Variants in ABHD3 observed in about 807,000 individuals in gnomAD.
ABHD3 encodes phospholipase ABHD3.
Under a neutral mutation model 48.8 loss-of-function variants are expected in ABHD3, and 46 were observed. The observed-to-expected ratio is 0.94, with a 90% CI of 0.74 to 1.20. The LOEUF is 1.20. Among genes scored for constraint, ABHD3 ranks in the 50% most tolerant of loss-of-function variants. The pLI, the probability that ABHD3 is intolerant of heterozygous loss-of-function variation, is 0.00. For synonymous variants in ABHD3, 192 were observed against 183.7 expected (o/e 1.04, Z -0.36); for missense variants, 490 against 497.8 (o/e 0.98, Z 0.15).
rs970937517 is a variant in ABHD3, at chr18:21,690,295, T to TA, written c.510-6331dup. Among the ~76,000 whole-genome samples, 1,348 of 147,662 alleles carry TA rather than the reference T, an allele frequency of 9.1e-3. 59 individuals carry two copies. Among genetic ancestry groups the TA allele is most frequent in the Admixed American group, 0.078 (1,155 of 14,808 alleles). On this transcript the variant is annotated intron_variant, in intron 3 of 8. Transcript: ENST00000289119. ...AACCTCAGTGATTTGTGAAACAATATAAAAAAAAAACAACATACATGTAAT... is the reference window on the plus strand; with the variant it reads ...AACCTCAGTGATTTGTGAAACAATATAAAAAAAAAAACAACATACATGTAAT...
chr18:21,689,385 C>A (rs1357763727), intron 3 of ABHD3, among the ~76,000 whole-genome samples: 2 of 151,670 alleles, frequency 1.3e-5, no homozygotes, highest in African/African-American at 4.8e-5. Context: ...ACTGTCTCTA[C>A]TAAAAATACA....
chr18:21,690,121 TTAAA>T (rs1397024030), intron 3 of ABHD3, among the ~76,000 whole-genome samples: 1 of 146,272 alleles, frequency 6.8e-6, no homozygotes, highest in Non-Finnish European at 1.5e-5. Flanking sequence ...TGTAAAGAAT[TTAAA>T]AAAAAAAAAG....
intron 4 of ABHD3, among the ~76,000 whole-genome samples, chr18:21,672,595 G>A (rs1007125513): frequency 6.6e-6 from 1 of 152,104 alleles, no homozygotes; most frequent in African/African-American, 2.4e-5. Flanking sequence ...GTGGATGTGG[G>A]CCTCCCCAAG....
intron 6 of ABHD3, 56 bp downstream of exon 6, chr18:21,659,114 C>A (rs2039423473): frequency 1.9e-6 from 3 of 1,544,228 alleles, no homozygotes; most frequent in Admixed American, 1.9e-5. Flanking sequence ...GCTGGGATTA[C>A]AGGCGTGAGC....
intron 8 of ABHD3, among the ~76,000 whole-genome samples, chr18:21,653,082 A>G (rs2039264363): frequency 8.8e-6 from 1 of 114,090 alleles, no homozygotes; most frequent in Non-Finnish European, 1.8e-5. Context: ...AAAAAAAAAG[A>G]GCTGGGTGTG....
At chr18:21,683,873 AATG>A in intron 4 of ABHD3, 44 bp downstream of exon 4, 2 of 1,502,750 alleles carry the variant, frequency 1.3e-6, no homozygotes, top group East Asian at 4.7e-5. Context: ...TAAAACTAGA[AATG>A]ATTCTTTAAA....
At chr18:21,698,375 C>CG (rs891504423) in intron 3 of ABHD3, among the ~76,000 whole-genome samples, 208 of 151,448 alleles carry the variant, frequency 1.4e-3, no homozygotes, top group African/African-American at 5.0e-3. Context: ...TTAGTAGAGA[C>CG]GGGGTTTCAC....
At chr18:21,684,009 C>G in intron 3 of ABHD3, 44 bp from the exon 4 acceptor site, 2 of 1,535,068 alleles carry the variant, frequency 1.3e-6, no homozygotes, top group Non-Finnish European at 1.8e-6. Context: ...ACACATGATT[C>G]TTGCTCATGA....
intron 1 of ABHD3, among the ~76,000 whole-genome samples, chr18:21,704,269 G>A (rs910670412): frequency 6.6e-6 from 1 of 152,212 alleles, no homozygotes; most frequent in Non-Finnish European, 1.5e-5. Flanking sequence ...CCGCAGCGCA[G>A]AAGTCAGCCG....
In ABHD3 at chr18:21,703,396, A is replaced by ACCTGCAGCTGGGGTATTTT. The variant is rs1275576072; in HGVS notation, c.326+169_326+187dup. On this transcript the variant is annotated intron_variant, in intron 2 of 8. Coordinates refer to ENST00000289119, the MANE Select transcript of ABHD3 (RefSeq NM_138340.5). ...TTAGGGCGGGGACCAGGAGGCAAAT[A>ACCTGCAGCTGGGGTATTTT]CCTGCAGCTGGGGTATTTTCCTGCA... is the stretch of plus-strand genomic sequence containing the variant. 3.7e-4 allele frequency among the ~76,000 whole-genome samples: 57 copies of ACCTGCAGCTGGGGTATTTT among 152,196 alleles called. 1 individual carries two copies. In the Middle Eastern group the frequency reaches 0.014, roughly 36 times the overall value.
In ABHD3 at chr18:21,670,841, C is replaced by A. The variant is rs149529371; in HGVS notation, c.556-6611G>T. On this transcript the variant is annotated intron_variant, in intron 4 of 8. Transcript: ENST00000289119. The stretch of plus-strand genomic sequence containing the variant: ...ACCAGTCTGAACAACATGGTGAAAC[C>A]CCCTATCTACCAAAAAATACAAGTT... Among the ~76,000 whole-genome samples the A allele has an allele frequency of 9.2e-5, 14 of 152,192 alleles. No individual in the cohort carries two copies. The East Asian group carries it at 2.5e-3, about 27-fold the overall frequency.
rs376966971 is a variant in ABHD3 at position 21,652,592 on chromosome 18, T to A, written c.1058-829A>T. On this transcript the variant is annotated intron_variant, in intron 8 of 8. Coordinates refer to ENST00000289119, the MANE Select transcript of ABHD3 (RefSeq NM_138340.5). ...GAGATCGAGACCATCCTGGCCAACA[T>A]GGTGAAACCACGTCTCTACTAAAAA... is the stretch of plus-strand genomic sequence containing the variant. 1.5e-4 allele frequency among the ~76,000 whole-genome samples: 22 copies of A among 151,650 alleles called. No homozygotes were observed. The East Asian group carries it at 2.3e-3, about 16-fold the overall frequency.
intron 3 of ABHD3, among the ~76,000 whole-genome samples, chr18:21,693,796 G>T (rs1359662015): frequency 2.6e-5 from 4 of 152,158 alleles, no homozygotes; most frequent in Admixed American, 6.5e-5. Context: ...ACAACAAAAT[G>T]AGTTACTGAG....
At chr18:21,653,855 T>TG (rs1178525847) in intron 8 of ABHD3, among the ~76,000 whole-genome samples, 23 of 151,898 alleles carry the variant, frequency 1.5e-4, no homozygotes, top group African/African-American at 5.3e-4. Context: ...TTTTTTTTTT[T>TG]TTTGAGATGG....
At chr18:21,673,237 A>G (rs537345560) in intron 4 of ABHD3, among the ~76,000 whole-genome samples, 22 of 152,336 alleles carry the variant, frequency 1.4e-4, no homozygotes, top group African/African-American at 5.3e-4. Context: ...AATAAATTAC[A>G]GATACCTGGA....
rs567681325 is a variant in ABHD3 at position 21,704,765 on chromosome 18, C to T, written c.-100G>A. On this transcript the variant is annotated 5_prime_UTR_variant, in exon 1 of 9. Transcript: ENST00000289119. ...CGGACGCGGCGCCGCTGCCTACTCCCGACCACAGTGTCTCCTGCCTGGCGG... is the reference window on the plus strand; with the variant it reads ...CGGACGCGGCGCCGCTGCCTACTCCTGACCACAGTGTCTCCTGCCTGGCGG... 9.2e-7 allele frequency: 1 copy of T among 1,086,150 alleles called. No individual in the cohort carries two copies. The highest frequency in any genetic ancestry group is 2.3e-5 in the African/African-American group (1 of 43,258). 67.3% of individuals were successfully genotyped at this position (1,086,150 alleles called of 1,614,324 possible). A position where few individuals can be genotyped will look rare whatever the true frequency, so the allele number is the denominator to read the frequency against.
intron 4 of ABHD3, among the ~76,000 whole-genome samples, chr18:21,666,414 T>C (rs185625761): frequency 5.3e-5 from 8 of 151,914 alleles, no homozygotes; most frequent in Non-Finnish European, 8.8e-5. Flanking sequence ...GGCTGGTCTC[T>C]AACTCCTGAC....
rs2039263527 is a variant in ABHD3, at chr18:21,653,077, A to AG, written c.1058-1315_1058-1314insC. 3.9e-5 allele frequency among the ~76,000 whole-genome samples: 3 copies of AG among 76,156 alleles called. 1 individual carries two copies. Among genetic ancestry groups the AG allele is most frequent in the Non-Finnish European group, 6.8e-5 (3 of 44,166 alleles). The allele number at this position is 76,156 out of a possible 152,430, so 50.0% of individuals were successfully genotyped here. ...CAAAAAAAAAAAAAAAAAAAAAAAA[A>AG]AAAGAGCTGGGTGTGGTGGCTCACG... On this transcript the variant is annotated intron_variant, in intron 8 of 8. Transcript: ENST00000289119.
At chr18:21,656,662 C>T (rs961713943) in intron 8 of ABHD3, among the ~76,000 whole-genome samples, 199 bp downstream of exon 8, 3 of 152,120 alleles carry the variant, frequency 2.0e-5, no homozygotes, top group African/African-American at 4.8e-5. Flanking sequence ...ATAATTTGTT[C>T]TGAGCCTCTC....
Sources: gnomAD v4.1 joint callset for allele counts (sites outside exome capture counted in the v4.1 genomes callset) on GRCh38, gnomAD v4.1.1 for gene constraint, MANE v1.5 for transcripts, NCBI Gene and HGNC (gene_info 2026-07-23, HGNC 2026-07-21) for gene names.